The following AGBL4 variants were observed in gnomAD, a reference collection of about 807,000 sequenced individuals.
AGBL4 encodes the protein AGBL carboxypeptidase 4, also known as cytosolic carboxypeptidase 6.
AGBL4 carries 58 observed loss-of-function variants against 66.4 expected under a neutral mutation model. That is an observed-to-expected ratio of 0.87 (90% CI 0.71 to 1.09). The LOEUF (loss-of-function observed/expected upper bound fraction) is 1.09. Among genes scored for constraint, AGBL4 ranks in the 50% least tolerant of loss-of-function variants. The pLI is 0.00. For missense variants in AGBL4, 579 were observed against 631.0 expected (o/e 0.92, Z 0.88); for synonymous variants, 234 against 222.9 (o/e 1.05, Z -0.44).
intron 5 of AGBL4, among the ~76,000 whole-genome samples, chr1:49,025,095 G>A (rs1254643642): frequency 6.6e-6 from 1 of 152,168 alleles, no homozygotes; most frequent in Non-Finnish European, 1.5e-5. Flanking sequence ...TCTAACCTAT[G>A]TAGCCCACAC....
At chr1:48,592,093 T>G (rs966105348) in intron 9 of AGBL4, among the ~76,000 whole-genome samples, 25 of 152,206 alleles carry the variant, frequency 1.6e-4, no homozygotes, top group African/African-American at 6.0e-4. Context: ...CCAGCTTATA[T>G]CCATTAACCC....
intron 3 of AGBL4, among the ~76,000 whole-genome samples, chr1:49,252,532 C>T (rs1652157331): frequency 6.6e-6 from 1 of 152,042 alleles, no homozygotes; most frequent in South Asian, 2.1e-4. Context: ...CTAGAGAGAC[C>T]AACATTCAAA....
chr1:49,297,624 C>G (rs2148437860), intron 3 of AGBL4, among the ~76,000 whole-genome samples: 1 of 152,236 alleles, frequency 6.6e-6, no homozygotes, highest in South Asian at 2.1e-4. Flanking sequence ...TAAACATTCA[C>G]TGAATTTGAT....
intron 3 of AGBL4, among the ~76,000 whole-genome samples, chr1:49,614,608 G>C (rs12744549): frequency 0.42 from 63,265 of 151,970 alleles, 15,846 homozygotes; most frequent in Non-Finnish European, 0.57. Context: ...GTTCCCTCTA[G>C]TAGTACTTTT....
chr1:49,655,451 T>C (rs1360961793), intron 3 of AGBL4, among the ~76,000 whole-genome samples: 1 of 152,160 alleles, frequency 6.6e-6, no homozygotes, highest in Non-Finnish European at 1.5e-5. Flanking sequence ...CTTTGTGGCA[T>C]TCTCTGTATT....
intron 3 of AGBL4, among the ~76,000 whole-genome samples, chr1:49,346,655 G>T (rs1274745284): frequency 6.6e-6 from 1 of 152,154 alleles, no homozygotes; most frequent in African/African-American, 2.4e-5. Context: ...GATACTTTCT[G>T]ACTGAGCTAC....
rs185819100 is a variant in AGBL4, at chr1:49,213,399, T to G, written c.377+32371A>C. The stretch of plus-strand genomic sequence containing the variant: ...TGGAGGTGGGGCCTGGTGGGAGATG[T>G]TTGGGTCATGGCGGCAGATCCCTCA... On this transcript the variant is annotated intron_variant, in intron 4 of 13. Coordinates refer to ENST00000371839, the MANE Select transcript of AGBL4 (RefSeq NM_032785.4). Among the ~76,000 whole-genome samples the G allele has an allele frequency of 8.5e-5, 13 of 152,068 alleles. No individual in the cohort carries two copies. The South Asian group carries it at 2.5e-3, about 29-fold the overall frequency.
intron 9 of AGBL4, among the ~76,000 whole-genome samples, chr1:48,612,067 G>A (rs1187526749): frequency 1.3e-5 from 2 of 152,266 alleles, no homozygotes; most frequent in East Asian, 3.8e-4. Flanking sequence ...AGGCAGTACT[G>A]AGGAGCAGTC....
intron 3 of AGBL4, among the ~76,000 whole-genome samples, chr1:49,560,460 C>A (rs955451953): frequency 9.2e-5 from 14 of 151,684 alleles, no homozygotes; most frequent in African/African-American, 3.4e-4. Context: ...ATGAAGCACA[C>A]CTAAAGATTC....
intron 3 of AGBL4, among the ~76,000 whole-genome samples, chr1:49,444,104 C>G (rs1217744613): frequency 6.6e-6 from 1 of 151,572 alleles, no homozygotes; most frequent in Non-Finnish European, 1.5e-5. Flanking sequence ...TAGTTTTATT[C>G]CATTGTTGTC....
chr1:48,790,877 C>G (rs1057263981), intron 6 of AGBL4, among the ~76,000 whole-genome samples: 4 of 152,110 alleles, frequency 2.6e-5, no homozygotes, highest in African/African-American at 9.7e-5. Flanking sequence ...AGCCCAGGTT[C>G]AAGACCAGCC....
chr1:48,812,966 G>A (rs902532451), intron 6 of AGBL4, among the ~76,000 whole-genome samples: 2 of 151,928 alleles, frequency 1.3e-5, no homozygotes, highest in South Asian at 4.2e-4. Flanking sequence ...GTTGTGGGGT[G>A]GGGGGAGAGG....
At chr1:49,568,067 C>T (rs1323504199) in intron 3 of AGBL4, among the ~76,000 whole-genome samples, 1 of 152,138 alleles carries the variant, frequency 6.6e-6, no homozygotes, top group South Asian at 2.1e-4. Context: ...AACAAAGATG[C>T]TCTCTCTCAT....
chr1:49,625,627 C>A (rs547006251), intron 3 of AGBL4, among the ~76,000 whole-genome samples: 3 of 152,198 alleles, frequency 2.0e-5, no homozygotes, highest in Non-Finnish European at 2.9e-5. Flanking sequence ...GTTACTGAAC[C>A]CCAAGGAGCA....
intron 2 of AGBL4, among the ~76,000 whole-genome samples, chr1:49,804,001 C>G (rs961921648): frequency 6.6e-6 from 1 of 152,148 alleles, no homozygotes; most frequent in Non-Finnish European, 1.5e-5. Flanking sequence ...TTGGACTGTT[C>G]TTTAAGTGTG....
intron 1 of AGBL4, among the ~76,000 whole-genome samples, chr1:50,013,869 C>T (rs1053574367): frequency 6.6e-6 from 1 of 152,188 alleles, no homozygotes; most frequent in Non-Finnish European, 1.5e-5. Context: ...TTAGTGAAGA[C>T]AGTTTCTCCT....
intron 2 of AGBL4, among the ~76,000 whole-genome samples, chr1:49,734,502 C>A (rs1392610731): frequency 6.6e-6 from 1 of 151,668 alleles, no homozygotes; most frequent in Non-Finnish European, 1.5e-5. Context: ...TGTATATTAG[C>A]AATAAAACAT....
chr1:49,786,997 A>T, intron 2 of AGBL4, among the ~76,000 whole-genome samples: 1 of 152,270 alleles, frequency 6.6e-6, no homozygotes, highest in African/African-American at 2.4e-5. Context: ...AAGCCTTCTC[A>T]AAGGTAGTTT....
intron 1 of AGBL4, among the ~76,000 whole-genome samples, chr1:49,915,249 G>C (rs1188924471): frequency 6.6e-6 from 1 of 152,020 alleles, no homozygotes; most frequent in Non-Finnish European, 1.5e-5. Context: ...AGGACAGTGG[G>C]TGCAGCCCAC....
Sources: allele counts gnomAD v4.1 joint callset (sites outside exome capture counted in the v4.1 genomes callset), GRCh38; gene constraint gnomAD v4.1.1; transcripts MANE v1.5; gene names NCBI Gene and HGNC (gene_info 2026-07-23, HGNC 2026-07-21).